Variants in SPAG16 observed in about 807,000 individuals in gnomAD.
SPAG16 encodes sperm-associated antigen 16 protein.
A neutral mutation model predicts 80.4 loss-of-function variants in SPAG16; 86 were observed. The ratio of observed to expected loss-of-function variants is 1.07; its 90% CI spans 0.90 to 1.28. The LOEUF (loss-of-function observed/expected upper bound fraction) is 1.28. Among genes scored for constraint, SPAG16 ranks in the 50% most tolerant of loss-of-function variants. SPAG16 has a pLI of 0.00. For synonymous variants in SPAG16, 294 were observed against 265.9 expected (o/e 1.11, Z -1.03); for missense variants, 870 against 765.3 (o/e 1.14, Z -1.61).
At chr2:213,642,556 C>T (rs1376010335) in intron 10 of SPAG16, among the ~76,000 whole-genome samples, 2 of 151,554 alleles carry the variant, frequency 1.3e-5, no homozygotes, top group Non-Finnish European at 2.9e-5. Context: ...GAGTGGGCAC[C>T]ATCTAATCAG....
chr2:213,440,859 T>A (rs1263685777), intron 9 of SPAG16, among the ~76,000 whole-genome samples: 1 of 152,134 alleles, frequency 6.6e-6, no homozygotes, highest in East Asian at 1.9e-4. Context: ...AAGCAGATAA[T>A]CAAAAGCATT....
chr2:213,375,151 A>G, intron 9 of SPAG16, 32 bp downstream of exon 9: 1 of 1,414,008 alleles, frequency 7.1e-7, no homozygotes, highest in Non-Finnish European at 9.8e-7. Context: ...GCATTAAGTC[A>G]TACTTAACTC....
chr2:213,625,871 A>G lies in SPAG16; in HGVS notation c.1070+135781A>G, dbSNP rs189278712. Among the ~76,000 whole-genome samples, 134 of 151,782 alleles carry G rather than the reference A, an allele frequency of 8.8e-4. 1 individual carries two copies. Among genetic ancestry groups the G allele is most frequent in the Admixed American group, 1.4e-3 (22 of 15,234 alleles). Reference sequence around the variant, plus strand: ...CCCAGCTAATTTTTTTGTATTTTCAATAGAGACGGGGTTTCATCAGGTGAG... The same window carrying G: ...CCCAGCTAATTTTTTTGTATTTTCAGTAGAGACGGGGTTTCATCAGGTGAG... On this transcript the variant is annotated intron_variant, in intron 10 of 15. Transcript: ENST00000331683.
chr2:214,104,930 G>A (rs1049583994), intron 13 of SPAG16, among the ~76,000 whole-genome samples: 1 of 152,160 alleles, frequency 6.6e-6, no homozygotes, highest in African/African-American at 2.4e-5. Context: ...ATTACTGGAT[G>A]CAGTGTGCAA....
chr2:214,086,712 G>A (rs11677054), intron 13 of SPAG16, among the ~76,000 whole-genome samples: 56,561 of 151,840 alleles, frequency 0.37, 11,196 homozygotes, highest in Non-Finnish European at 0.44. Flanking sequence ...AGAAGCATGA[G>A]AACAGACTAA....
At chr2:213,381,435 A>G (rs1298838928) in intron 9 of SPAG16, among the ~76,000 whole-genome samples, 1 of 152,232 alleles carries the variant, frequency 6.6e-6, no homozygotes, top group African/African-American at 2.4e-5. Flanking sequence ...GTACGGTGCC[A>G]TAACAACGGT....
rs941135467 is a variant in SPAG16 at position 213,659,980 on chromosome 2, C to CT, written c.1070+169898dup. On this transcript the variant is annotated intron_variant, in intron 10 of 15. Transcript: ENST00000331683. ...CATTGGGATTCTTTCTCTTTTCTTT[C>CT]TTTTTTTTAAGATGACTGGCCCCTA... Among the ~76,000 whole-genome samples the CT allele has an allele frequency of 1.0e-3, 159 of 151,612 alleles. 1 individual carries two copies. Among genetic ancestry groups the CT allele is most frequent in the African/African-American group, 3.5e-3 (146 of 41,382 alleles).
rs575642735 is a variant in SPAG16 at position 213,889,756 on chromosome 2, G to A, written c.1214+27128G>A. On this transcript the variant is annotated intron_variant, in intron 11 of 15. Coordinates refer to ENST00000331683, the MANE Select transcript of SPAG16 (RefSeq NM_024532.5). ...ATATATATATACATATTTTTTAACCGCCCACCTATGTAAAGTACTCTACCA... is the reference window on the plus strand; with the variant it reads ...ATATATATATACATATTTTTTAACCACCCACCTATGTAAAGTACTCTACCA... Among the ~76,000 whole-genome samples the A allele has an allele frequency of 2.0e-4, 29 of 145,496 alleles. 1 individual carries two copies. The highest frequency in any genetic ancestry group is 5.4e-4 in the African/African-American group (21 of 38,618).
chr2:214,223,825 T>G (rs1477246552), intron 15 of SPAG16, among the ~76,000 whole-genome samples: 1 of 152,110 alleles, frequency 6.6e-6, no homozygotes, highest in Non-Finnish European at 1.5e-5. Context: ...AAACTCGCAA[T>G]GTAGTGACTG....
chr2:214,276,866 G>C (rs1422776588), intron 15 of SPAG16, among the ~76,000 whole-genome samples: 1 of 151,974 alleles, frequency 6.6e-6, no homozygotes, highest in African/African-American at 2.4e-5. Context: ...AGTTCTCCTG[G>C]ATAATATCCT....
chr2:213,916,112 G>A (rs62191892), intron 11 of SPAG16, among the ~76,000 whole-genome samples: 35,036 of 152,100 alleles, frequency 0.23, 4,668 homozygotes, highest in East Asian at 0.4. Flanking sequence ...AAGCTCTTTA[G>A]TTTAATTAGA....
intron 10 of SPAG16, among the ~76,000 whole-genome samples, chr2:213,623,441 G>A (rs1287033838): frequency 6.6e-6 from 1 of 151,796 alleles, no homozygotes; most frequent in Non-Finnish European, 1.5e-5. Context: ...CCACCTTTAG[G>A]TTTACCTGAA....
chr2:213,585,679 A>AT lies in SPAG16; in HGVS notation c.1070+95597dup, dbSNP rs541231996. ...TTCATCCATGCATCTCATAGCAAGC[A>AT]TTTTTTTTGCATTTAAATTCACTCA... On this transcript the variant is annotated intron_variant, in intron 10 of 15. Coordinates refer to ENST00000331683, the MANE Select transcript of SPAG16 (RefSeq NM_024532.5). Among the ~76,000 whole-genome samples, 259 of 151,980 alleles carry AT rather than the reference A, an allele frequency of 1.7e-3. 3 individuals carry two copies. Among genetic ancestry groups the AT allele is most frequent in the Admixed American group, 6.5e-3 (99 of 15,266 alleles).
intron 10 of SPAG16, among the ~76,000 whole-genome samples, chr2:213,595,806 CAG>C (rs949051198): frequency 1.4e-4 from 21 of 151,902 alleles, no homozygotes; most frequent in Admixed American, 5.9e-4. Context: ...ATGTAAATGA[CAG>C]AAATCACTAT....
chr2:213,575,225 A>G (rs1247401416), intron 10 of SPAG16, among the ~76,000 whole-genome samples: 1 of 152,182 alleles, frequency 6.6e-6, no homozygotes, highest in East Asian at 1.9e-4. Flanking sequence ...GAGTATTCAT[A>G]CTTATATTCA....
chr2:213,523,434 T>C (rs1364359353), intron 10 of SPAG16, among the ~76,000 whole-genome samples: 1 of 152,154 alleles, frequency 6.6e-6, no homozygotes, highest in African/African-American at 2.4e-5. Flanking sequence ...AGTAAATTGG[T>C]ACCAGTAGAG....
intron 15 of SPAG16, among the ~76,000 whole-genome samples, chr2:214,304,240 G>A (rs1398180556): frequency 6.6e-6 from 1 of 152,160 alleles, no homozygotes; most frequent in African/African-American, 2.4e-5. Context: ...GCCATAAACT[G>A]GCCCCAAAAG....
intron 7 of SPAG16, among the ~76,000 whole-genome samples, chr2:213,358,851 G>T (rs1167004455): frequency 6.6e-6 from 1 of 152,134 alleles, no homozygotes; most frequent in East Asian, 1.9e-4. Context: ...CTGGTTTTTA[G>T]AATTTTCCAC....
intron 13 of SPAG16, among the ~76,000 whole-genome samples, chr2:214,101,089 T>C (rs2052985112): frequency 7.1e-6 from 1 of 140,702 alleles, no homozygotes; most frequent in Non-Finnish European, 1.6e-5. Context: ...TTTGGCCTAA[T>C]TTTTAAGAGT....
Sources: allele counts gnomAD v4.1 joint callset (sites outside exome capture counted in the v4.1 genomes callset), GRCh38; gene constraint gnomAD v4.1.1; transcripts MANE v1.5; gene names NCBI Gene and HGNC (gene_info 2026-07-23, HGNC 2026-07-21).